Variants in UTRN observed in about 807,000 individuals in gnomAD.
UTRN encodes the protein utrophin.
In UTRN, 283 loss-of-function variants were observed where a neutral mutation model predicts 463.9. That is an observed-to-expected ratio of 0.61 (90% CI 0.55 to 0.67). The LOEUF is 0.67. Ranked by LOEUF, UTRN falls within the 30% of genes least tolerant of loss-of-function variation. The pLI is 0.00. For synonymous variants in UTRN, 1,442 were observed against 1,431.5 expected, an observed-to-expected ratio of 1.01 and a Z score of -0.17; for missense variants, 3,922 against 4,084.3, an observed-to-expected ratio of 0.96 and a Z score of 1.08.
intron 3 of UTRN, among the ~76,000 whole-genome samples, chr6:144,418,847 C>T (rs778905678): frequency 4.6e-5 from 7 of 152,056 alleles, no homozygotes; most frequent in Non-Finnish European, 1.0e-4. Flanking sequence ...CCACCGTGCC[C>T]AGCCAGTTGT....
intron 50 of UTRN, among the ~76,000 whole-genome samples, chr6:144,571,699 T>C (rs1242205242): frequency 6.6e-6 from 1 of 152,250 alleles, no homozygotes; most frequent in Non-Finnish European, 1.5e-5. Context: ...TGAGGTTTAC[T>C]GTAATTTTGT....
At chr6:144,559,791 C>T (rs183301393) in intron 50 of UTRN, among the ~76,000 whole-genome samples, 3 of 152,148 alleles carry the variant, frequency 2.0e-5, no homozygotes, top group East Asian at 3.9e-4. Context: ...TTTTCACCCT[C>T]CCCCTGAAAA....
In UTRN at chr6:144,840,775, A is replaced by G. The variant is rs1167963918; in HGVS notation, c.10213A>G (p.Ser3405Gly). Residue 3405 changes from serine (S) to glycine (G), a missense_variant, in exon 73 of 75, where the codon AGC becomes GGC. By Grantham distance (56) the Ser-to-Gly change is moderately conservative. This residue lies in a region of UTRN where 1,309 missense variants were observed against 1,452.6 expected (regional missense o/e 0.90). Transcript: ENST00000367545. ...EDLLAPPHDT[S>G]TDLTEVMEQI... ...CCTGCTGGCCCCACCGCACGACACC[A>G]GCACGGATCTCACGGAGGTCATGGA... is the stretch of plus-strand genomic sequence containing the variant. 6.2e-7 allele frequency: 1 copy of G among 1,614,082 alleles called. No individual in the cohort carries two copies. The highest frequency in any genetic ancestry group is 8.5e-7 in the Non-Finnish European group (1 of 1,179,978).
At chr6:144,437,500 G>A in intron 10 of UTRN, 65 bp from the exon 11 acceptor site, 2 of 1,466,242 alleles carry the variant, frequency 1.4e-6, no homozygotes, top group East Asian at 2.4e-5. Flanking sequence ...TTAGCAATTT[G>A]TTCAGTCTTC....
chr6:144,429,131 T>C (rs1250295468), intron 8 of UTRN, among the ~76,000 whole-genome samples: 1 of 152,160 alleles, frequency 6.6e-6, no homozygotes, highest in Admixed American at 6.5e-5. Flanking sequence ...TTAATCTAAA[T>C]TAAGTAAGAG....
intron 48 of UTRN, among the ~76,000 whole-genome samples, chr6:144,552,432 G>T (rs907493379): frequency 2.7e-4 from 41 of 152,114 alleles, no homozygotes; most frequent in African/African-American, 9.9e-4. Context: ...CCAAACTATT[G>T]ACAAGCCATT....
At chr6:144,561,233 AT>A (rs2128617532) in intron 50 of UTRN, among the ~76,000 whole-genome samples, 1 of 114,340 alleles carries the variant, frequency 8.7e-6, no homozygotes, top group South Asian at 3.1e-4. Context: ...ATATATATAT[AT>A]ATATATATAT....
chr6:144,519,484 T>G (rs189179508), intron 39 of UTRN, among the ~76,000 whole-genome samples: 2 of 152,328 alleles, frequency 1.3e-5, no homozygotes, highest in East Asian at 3.9e-4. Flanking sequence ...TAACACTGTC[T>G]CATTTAAGTA....
At chr6:144,784,895 T>C (rs1776171022) in intron 61 of UTRN, among the ~76,000 whole-genome samples, 1 of 152,204 alleles carries the variant, frequency 6.6e-6, no homozygotes, top group South Asian at 2.1e-4. Flanking sequence ...AAAAGAAAGA[T>C]GGCAAAGACC....
At chr6:144,659,716 AT>A (rs1008468084) in intron 51 of UTRN, 81 of 139,458 alleles carry the variant, frequency 5.8e-4, no homozygotes, top group South Asian at 6.8e-4. Flanking sequence ...TTTACCCAGG[AT>A]TTTTTTTTTT....
intron 53 of UTRN, among the ~76,000 whole-genome samples, chr6:144,722,620 A>G (rs1054431770): frequency 2.6e-5 from 4 of 152,224 alleles, no homozygotes; most frequent in Admixed American, 2.0e-4. Flanking sequence ...GCTGTGTAAC[A>G]TAGGAACCCT....
At chr6:144,552,861 A>G (rs1161191891) in intron 48 of UTRN, among the ~76,000 whole-genome samples, 2 of 152,182 alleles carry the variant, frequency 1.3e-5, no homozygotes, top group South Asian at 2.1e-4. Context: ...TAAGTACTTT[A>G]TGTAACTTTT....
At chr6:144,562,131 AG>A (rs1799980377) in intron 50 of UTRN, among the ~76,000 whole-genome samples, 1 of 152,192 alleles carries the variant, frequency 6.6e-6, no homozygotes, top group Non-Finnish European at 1.5e-5. Context: ...TTTCTGCCAA[AG>A]CAAAAGTCCA....
intron 9 of UTRN, among the ~76,000 whole-genome samples, chr6:144,431,306 C>T (rs762110489): frequency 1.3e-4 from 20 of 152,102 alleles, no homozygotes; most frequent in Non-Finnish European, 2.8e-4. Context: ...TAGGGCTCAG[C>T]GTGGCATGAT....
intron 52 of UTRN, among the ~76,000 whole-genome samples, chr6:144,693,612 T>A (rs1232218727): frequency 6.6e-6 from 1 of 152,208 alleles, no homozygotes; most frequent in Non-Finnish European, 1.5e-5. Context: ...TTCCCTTCCC[T>A]GATTAGCTAT....
At chr6:144,814,455 C>A (rs1323511680) in intron 65 of UTRN, among the ~76,000 whole-genome samples, 2 of 152,086 alleles carry the variant, frequency 1.3e-5, no homozygotes, top group Non-Finnish European at 2.9e-5. Flanking sequence ...ATTGTAAATA[C>A]CACACAAAAG....
At chr6:144,647,813 A>T (rs1242948328) in intron 51 of UTRN, among the ~76,000 whole-genome samples, 2 of 152,238 alleles carry the variant, frequency 1.3e-5, no homozygotes, top group African/African-American at 4.8e-5. Context: ...GGATAGTTCA[A>T]AATGGAAGCT....
At chr6:144,431,405 T>C (rs188382019) in intron 9 of UTRN, among the ~76,000 whole-genome samples, 1 of 152,366 alleles carries the variant, frequency 6.6e-6, no homozygotes. Flanking sequence ...TCTTAGAGGC[T>C]GAATTACGTT....
chr6:144,657,827 G>A (rs550998861), intron 51 of UTRN, among the ~76,000 whole-genome samples: 1 of 152,294 alleles, frequency 6.6e-6, no homozygotes, highest in Non-Finnish European at 1.5e-5. Flanking sequence ...GTGGTAGCTG[G>A]AAGTTTGCCC....
Sources: gnomAD v4.1 joint callset for allele counts (sites outside exome capture counted in the v4.1 genomes callset) on GRCh38, gnomAD v4.1.1 for gene constraint, gnomAD v4.1.1 regional missense constraint, MANE v1.5 for transcripts, NCBI Gene and HGNC (gene_info 2026-07-23, HGNC 2026-07-21) for gene names.